Variants in HRH2 observed in about 807,000 individuals in gnomAD.
The protein encoded by HRH2 is histamine receptor H2, also known as histamine H2 receptor.
A neutral mutation model predicts 20.1 loss-of-function variants in HRH2; 4 were observed. That is an observed-to-expected ratio of 0.20 (90% CI 0.10 to 0.45). The LOEUF is 0.45. Ranked by LOEUF, HRH2 falls within the 20% of genes least tolerant of loss-of-function variation. The probability of loss-of-function intolerance (pLI) is 0.99; values close to 1 mark genes in which losing one functional copy is unlikely to be tolerated. For missense variants in HRH2, 250 were observed against 461.6 expected (o/e 0.54, Z 4.20); for synonymous variants, 197 against 200.7 (o/e 0.98, Z 0.16).
In HRH2 at chr5:175,682,930, CCGT is replaced by C. The variant is rs1348250771; in HGVS notation, c.-302_-300del. 1.8e-5 allele frequency: 6 copies of C among 327,334 alleles called. No homozygotes were observed. Among genetic ancestry groups the C allele is most frequent in the Non-Finnish European group, 3.3e-5 (6 of 179,942 alleles). 20.3% of individuals were successfully genotyped at this position (327,334 alleles called of 1,614,324 possible). On this transcript the variant is annotated 5_prime_UTR_variant, in exon 2 of 3. Coordinates refer to ENST00000636584, the MANE Select transcript of HRH2 (RefSeq NM_001367711.1). ...GGGAGGAAGCTAGCTCTTCAGGGGACCGTCTGAGGACTGGAGTTTGATCCATGA... is the reference window on the plus strand; with the variant it reads ...GGGAGGAAGCTAGCTCTTCAGGGGACCTGAGGACTGGAGTTTGATCCATGA...
Position 175,683,207 on chromosome 5 carries a change from C to A in HRH2, c.-27C>A, listed in dbSNP as rs1581435650. ...AGAAGAAGCAACCAGGGGCCCTGAT[C>A]AGGGGACTGAGCCGTAGAGTCCCAG... On this transcript the variant is annotated 5_prime_UTR_variant, in exon 2 of 3. Transcript: ENST00000636584. 6.3e-7 allele frequency: 1 copy of A among 1,597,604 alleles called. No individual in the cohort carries two copies. The highest frequency in any genetic ancestry group is 8.6e-7 in the Non-Finnish European group (1 of 1,169,312).
intron 2 of HRH2, among the ~76,000 whole-genome samples, chr5:175,688,688 G>A (rs1006164913): frequency 5.9e-5 from 9 of 152,334 alleles, no homozygotes; most frequent in Admixed American, 2.0e-4. Flanking sequence ...ACGAAATGCT[G>A]TCTGGATTTG....
At chr5:175,668,316 C>T (rs957913686) in intron 1 of HRH2, among the ~76,000 whole-genome samples, 1 of 152,166 alleles carries the variant, frequency 6.6e-6, no homozygotes, top group African/African-American at 2.4e-5. Context: ...ACTGACTCCG[C>T]ACAGCAGTCA....
chr5:175,659,078 G>A (rs559418144), intron 1 of HRH2, among the ~76,000 whole-genome samples: 1 of 152,204 alleles, frequency 6.6e-6, no homozygotes, highest in South Asian at 2.1e-4. Flanking sequence ...GCCAGAGAGG[G>A]TCAATCGGTG....
intron 2 of HRH2, among the ~76,000 whole-genome samples, chr5:175,698,766 A>G (rs1326779524): frequency 1.3e-5 from 2 of 152,194 alleles, no homozygotes; most frequent in Non-Finnish European, 2.9e-5. Flanking sequence ...TTGTCATGGA[A>G]AAAATGTAAA....
rs1317064762 is a variant in HRH2, at chr5:175,687,373, A to C, written c.1076+3064A>C. On this transcript the variant is annotated intron_variant, in intron 2 of 2. Transcript: ENST00000636584. This position sits in a 1 kb window ranked among gnomAD's most constrained non-coding sequence, Gnocchi z 5.2. ...TGACCCAGAGCCGTTATCACTGCCA[A>C]GATTGGGCTGTCTGCCTGAGCCAAG... Among the ~76,000 whole-genome samples, 1 of 152,110 alleles carries C rather than the reference A, an allele frequency of 6.6e-6. No individual in the cohort carries two copies. The highest frequency in any genetic ancestry group is 2.4e-5 in the African/African-American group (1 of 41,412).
intron 1 of HRH2, among the ~76,000 whole-genome samples, chr5:175,660,475 A>G (rs896754926): frequency 1.7e-4 from 26 of 152,222 alleles, no homozygotes; most frequent in African/African-American, 6.3e-4. Context: ...AGGGTCCCAA[A>G]TATGTGGCAA....
intron 1 of HRH2, among the ~76,000 whole-genome samples, chr5:175,674,663 G>A (rs532956283): frequency 8.5e-5 from 13 of 152,248 alleles, no homozygotes; most frequent in East Asian, 1.9e-4. Flanking sequence ...GAGGGGTCCC[G>A]CTGGGGGCTG....
intron 1 of HRH2, among the ~76,000 whole-genome samples, chr5:175,675,334 C>A (rs1045355677): frequency 6.6e-6 from 1 of 152,200 alleles, no homozygotes; most frequent in Non-Finnish European, 1.5e-5. Flanking sequence ...GATGATTGAA[C>A]CTTCAATGAC....
chr5:175,695,603 C>T (rs1756548069), intron 2 of HRH2, among the ~76,000 whole-genome samples: 1 of 152,210 alleles, frequency 6.6e-6, no homozygotes, highest in Non-Finnish European at 1.5e-5. Flanking sequence ...GTATATGAAG[C>T]CTTGTGCTAC....
Position 175,682,901 on chromosome 5 carries a change from C to T in HRH2, c.-333C>T. 1 of 274,318 alleles carries T rather than the reference C, an allele frequency of 3.6e-6. No individual in the cohort carries two copies. Among genetic ancestry groups the T allele is most frequent in the Non-Finnish European group, 6.8e-6 (1 of 146,014 alleles). The allele number at this position is 274,318 out of a possible 1,614,324, so 17.0% of individuals were successfully genotyped here. Reference sequence around the variant, plus strand: ...CCTGGGAAGCGGAGACCTACCCCAGCCCCGGGAGGAAGCTAGCTCTTCAGG... The same window carrying T: ...CCTGGGAAGCGGAGACCTACCCCAGTCCCGGGAGGAAGCTAGCTCTTCAGG... On this transcript the variant is annotated 5_prime_UTR_variant, in exon 2 of 3. Transcript: ENST00000636584.
In HRH2 at chr5:175,700,294, G is replaced by A. The variant is rs990823836; in HGVS notation, c.1077-7485G>A. On this transcript the variant is annotated intron_variant, in intron 2 of 2. Coordinates refer to ENST00000636584, the MANE Select transcript of HRH2 (RefSeq NM_001367711.1). ...TGGGTACCGGCTACCGGAGACAGCC[G>A]GGGAGAAGCTGGACTGCCTCTGACC... is the stretch of plus-strand genomic sequence containing the variant. 5.9e-5 allele frequency among the ~76,000 whole-genome samples: 9 copies of A among 152,352 alleles called. No homozygotes were observed. The South Asian group carries it at 6.2e-4, about 11-fold the overall frequency.
chr5:175,676,326 C>CA (rs1447442425), intron 1 of HRH2, among the ~76,000 whole-genome samples: 2 of 152,240 alleles, frequency 1.3e-5, no homozygotes, highest in Non-Finnish European at 2.9e-5. Flanking sequence ...TCCACGCCCG[C>CA]ACGTGCACAC....
At position 175,674,872 on chromosome 5, in the gene HRH2, G is replaced by A. The variant is rs528068063; in HGVS notation, c.-525-7837G>A. ...CAAATGTCCTGCCAGGAAGGAGTTA[G>A]ACACCTGCAACCACAAAGATGCAAG... On this transcript the variant is annotated intron_variant, in intron 1 of 2. Coordinates refer to ENST00000636584, the MANE Select transcript of HRH2 (RefSeq NM_001367711.1). Among the ~76,000 whole-genome samples the A allele has an allele frequency of 2.0e-5, 3 of 152,344 alleles. No homozygotes were observed. The South Asian group carries it at 6.2e-4, about 32-fold the overall frequency.
At chr5:175,682,589 G>A (rs974698763) in intron 1 of HRH2, 120 bp from the exon 2 acceptor site, 2 of 152,604 alleles carry the variant, frequency 1.3e-5, no homozygotes, top group Non-Finnish European at 2.9e-5. Flanking sequence ...ATCCAAACTG[G>A]TCCCATACTT....
Position 175,659,406 on chromosome 5 carries a change from T to C in HRH2, c.-526+1251T>C, listed in dbSNP as rs954963087. 3.3e-5 allele frequency among the ~76,000 whole-genome samples: 5 copies of C among 152,324 alleles called. No individual in the cohort carries two copies. In the East Asian group the frequency reaches 7.7e-4, roughly 23 times the overall value. On this transcript the variant is annotated intron_variant, in intron 1 of 2. Coordinates refer to ENST00000636584, the MANE Select transcript of HRH2 (RefSeq NM_001367711.1). Reference sequence around the variant, plus strand: ...TCTGGATGGTGGCATTTTCTCCTTATATCTGAGCTAGGATATAAGGAGAAT... The same window carrying C: ...TCTGGATGGTGGCATTTTCTCCTTACATCTGAGCTAGGATATAAGGAGAAT...
intron 2 of HRH2, among the ~76,000 whole-genome samples, chr5:175,698,418 T>C (rs939241102): frequency 4.6e-5 from 7 of 152,190 alleles, no homozygotes; most frequent in African/African-American, 1.7e-4. Context: ...GGGCAGCTCT[T>C]ACCTGCGTGG....
Position 175,660,244 on chromosome 5 carries a change from G to T in HRH2, c.-526+2089G>T, listed in dbSNP as rs1220471848. Among the ~76,000 whole-genome samples, 3 of 152,312 alleles carry T rather than the reference G, an allele frequency of 2.0e-5. No homozygotes were observed. In the East Asian group the frequency reaches 5.8e-4, roughly 29 times the overall value. On this transcript the variant is annotated intron_variant, in intron 1 of 2. Coordinates refer to ENST00000636584, the MANE Select transcript of HRH2 (RefSeq NM_001367711.1). ...AAGGGTGTCCCAGCAGGCTAGAGAG[G>T]TTCCTTTGCCAAAAAATGTTTTAAA... is the stretch of plus-strand genomic sequence containing the variant.
At chr5:175,700,674 G>T (rs1024988019) in intron 2 of HRH2, among the ~76,000 whole-genome samples, 1 of 152,068 alleles carries the variant, frequency 6.6e-6, no homozygotes, top group Non-Finnish European at 1.5e-5. Flanking sequence ...AGATCACAAG[G>T]TCAGTTCGAG....
Sources: gnomAD v4.1 joint callset for allele counts (sites outside exome capture counted in the v4.1 genomes callset) on GRCh38, gnomAD v4.1.1 for gene constraint, Gnocchi (gnomAD v3.1) non-coding constraint, MANE v1.5 for transcripts, NCBI Gene and HGNC (gene_info 2026-07-23, HGNC 2026-07-21) for gene names.